The following ZNF827 variants were observed in gnomAD, a reference collection of about 807,000 sequenced individuals.
ZNF827 encodes zinc finger protein 827.
A neutral mutation model predicts 102.4 loss-of-function variants in ZNF827; 13 were observed. The ratio of observed to expected loss-of-function variants is 0.13; its 90% CI spans 0.08 to 0.20. ZNF827 has a LOEUF of 0.20. ZNF827 is among the 10% of genes least tolerant of loss of function. The pLI is 1.00. For synonymous variants in ZNF827, 523 were observed against 536.2 expected (o/e 0.98, Z 0.34); for missense variants, 1,103 against 1,344.4 (o/e 0.82, Z 2.81).
rs77394898 is a variant in ZNF827, at chr4:145,795,474, G to A, written c.2384-15963C>T. 4.5e-3 allele frequency among the ~76,000 whole-genome samples: 686 copies of A among 152,264 alleles called. 9 individuals are homozygous for A. The highest frequency in any genetic ancestry group is 0.041 in the East Asian group (213 of 5,174). ...GTGTTCTGTTTTACAATGAATTTTC[G>A]TCTCTTAGAGCCCATGGCTCTGAGT... On this transcript the variant is annotated intron_variant, in intron 8 of 14. Transcript: ENST00000508784.
chr4:145,851,216 G>A (rs1746496251), intron 5 of ZNF827, among the ~76,000 whole-genome samples: 1 of 152,144 alleles, frequency 6.6e-6, no homozygotes, highest in African/African-American at 2.4e-5. Flanking sequence ...ATAAATATCT[G>A]TTGTTTCAAG....
At position 145,760,875 on chromosome 4, in the gene ZNF827, G is replaced by A; in HGVS notation, c.*741C>T. ...GAGGCGCAGTCTGAGGTCGGGGAGG[G>A]TGGAATGTGAGATCCAAGTGGTTCT... On this transcript the variant is annotated 3_prime_UTR_variant, in exon 15 of 15. Coordinates refer to ENST00000508784, the MANE Select transcript of ZNF827 (RefSeq NM_001306215.2). 8.2e-7 allele frequency: 1 copy of A among 1,226,942 alleles called. No homozygotes were observed. The highest frequency in any genetic ancestry group is 1.0e-6 in the Non-Finnish European group (1 of 959,332). 76.0% of individuals were successfully genotyped at this position (1,226,942 alleles called of 1,614,324 possible).
At chr4:145,882,609 G>A (rs1749764329) in intron 4 of ZNF827, among the ~76,000 whole-genome samples, 1 of 152,178 alleles carries the variant, frequency 6.6e-6, no homozygotes, top group African/African-American at 2.4e-5. Flanking sequence ...TTTATGCTTA[G>A]TTTTAGTTGA....
At chr4:145,915,442 C>T (rs2126941188) in intron 1 of ZNF827, among the ~76,000 whole-genome samples, 1 of 151,732 alleles carries the variant, frequency 6.6e-6, no homozygotes, top group Non-Finnish European at 1.5e-5. Context: ...AGCGGAACTC[C>T]GTCTCAAAAA....
chr4:145,788,917 G>A (rs924221056), intron 8 of ZNF827, among the ~76,000 whole-genome samples: 1 of 152,222 alleles, frequency 6.6e-6, no homozygotes, highest in Non-Finnish European at 1.5e-5. Flanking sequence ...ATGTCTAACA[G>A]AACTATGTGG....
At chr4:145,796,736 T>A (rs2127086325) in intron 8 of ZNF827, among the ~76,000 whole-genome samples, 1 of 151,310 alleles carries the variant, frequency 6.6e-6, no homozygotes, top group African/African-American at 2.4e-5. Context: ...TGCAAGCAAT[T>A]CTCCTGCCTC....
intron 8 of ZNF827, among the ~76,000 whole-genome samples, chr4:145,796,046 C>T (rs760352738): frequency 6.6e-6 from 1 of 152,190 alleles, no homozygotes; most frequent in Non-Finnish European, 1.5e-5. Context: ...CTCCACTGAA[C>T]CATTCTTTCA....
chr4:145,801,000 G>C (rs6854834), intron 8 of ZNF827, among the ~76,000 whole-genome samples: 6 of 152,044 alleles, frequency 3.9e-5, no homozygotes, highest in Admixed American at 1.3e-4. Context: ...CAAAGAGCAT[G>C]AGCTAATTCT....
chr4:145,861,126 G>T (rs974810956), intron 5 of ZNF827, among the ~76,000 whole-genome samples: 1 of 152,156 alleles, frequency 6.6e-6, no homozygotes, highest in Non-Finnish European at 1.5e-5. Context: ...GTATCCAGAT[G>T]GGCACCATAT....
chr4:145,813,858 T>C (rs191657906), intron 8 of ZNF827, among the ~76,000 whole-genome samples: 60 of 152,192 alleles, frequency 3.9e-4, no homozygotes, highest in Non-Finnish European at 7.4e-4. Context: ...TCCAGAGAAC[T>C]AGTGATGAAG....
intron 6 of ZNF827, among the ~76,000 whole-genome samples, chr4:145,846,366 T>C (rs995475737): frequency 5.3e-5 from 8 of 152,086 alleles, no homozygotes; most frequent in Non-Finnish European, 1.0e-4. Flanking sequence ...TGGTCCCAGC[T>C]ACTAGGGAGG....
chr4:145,789,886 G>C (rs1355713598), intron 8 of ZNF827, among the ~76,000 whole-genome samples: 1 of 152,240 alleles, frequency 6.6e-6, no homozygotes, highest in African/African-American at 2.4e-5. Context: ...TGCCTGGAGA[G>C]AGAATGGTGG....
chr4:145,912,768 C>G (rs1178783321), intron 1 of ZNF827, among the ~76,000 whole-genome samples: 2 of 152,216 alleles, frequency 1.3e-5, no homozygotes, highest in Non-Finnish European at 2.9e-5. Context: ...TCCCTACCGC[C>G]TTCAGAGCGA....
chr4:145,859,297 T>A (rs1225012185), intron 5 of ZNF827, among the ~76,000 whole-genome samples: 3 of 152,136 alleles, frequency 2.0e-5, no homozygotes, highest in Non-Finnish European at 2.9e-5. Flanking sequence ...TCAATAAATA[T>A]CTGCTGAATG....
chr4:145,913,156 T>C (rs1752412059), intron 1 of ZNF827, among the ~76,000 whole-genome samples: 1 of 152,156 alleles, frequency 6.6e-6, no homozygotes. Context: ...CCAAGCATGG[T>C]GGCTCACACC....
intron 8 of ZNF827, among the ~76,000 whole-genome samples, chr4:145,808,651 C>T (rs768133732): frequency 7.9e-5 from 12 of 152,174 alleles, no homozygotes; most frequent in Non-Finnish European, 1.8e-4. Flanking sequence ...GTCTGAAGCA[C>T]TTTGATACCT....
chr4:145,856,194 C>T lies in ZNF827; in HGVS notation c.1982-6633G>A, dbSNP rs146968619. Among the ~76,000 whole-genome samples the T allele has an allele frequency of 3.2e-3, 483 of 152,110 alleles. 1 individual carries two copies. Among genetic ancestry groups the T allele is most frequent in the African/African-American group, 0.011 (464 of 41,470 alleles). On this transcript the variant is annotated intron_variant, in intron 5 of 14. Coordinates refer to ENST00000508784, the MANE Select transcript of ZNF827 (RefSeq NM_001306215.2). ...TATTTTTAGTAGAGACAGGTTTTCT[C>T]CATGTTGGTCAGGCTGGTCTCAAAC...
intron 4 of ZNF827, among the ~76,000 whole-genome samples, chr4:145,885,116 A>T (rs1749997165): frequency 6.6e-6 from 1 of 152,128 alleles, no homozygotes; most frequent in Non-Finnish European, 1.5e-5. Flanking sequence ...TGTTAAATAC[A>T]GTTTGCCATA....
At chr4:145,933,783 T>C (rs1162771894) in intron 1 of ZNF827, among the ~76,000 whole-genome samples, 1 of 119,418 alleles carries the variant, frequency 8.4e-6, no homozygotes, top group African/African-American at 4.6e-5. Context: ...TGATCACCAA[T>C]GGTGAAAAAA....
Sources: allele counts gnomAD v4.1 joint callset (sites outside exome capture counted in the v4.1 genomes callset), GRCh38; gene constraint gnomAD v4.1.1; transcripts MANE v1.5; gene names NCBI Gene and HGNC (gene_info 2026-07-23, HGNC 2026-07-21).